Variants in TENM3 observed in about 807,000 individuals in gnomAD.
TENM3 encodes the protein teneurin transmembrane protein 3.
Under a neutral mutation model 255.1 loss-of-function variants are expected in TENM3, and 63 were observed. The observed-to-expected ratio is 0.25, with a 90% CI of 0.20 to 0.30. TENM3 has a LOEUF of 0.30. TENM3 is among the 10% of genes least tolerant of loss of function. TENM3 has a pLI of 1.00. For synonymous variants in TENM3, 1,306 were observed against 1,322.3 expected (o/e 0.99, Z 0.27); for missense variants, 2,929 against 3,461.1 (o/e 0.85, Z 3.86).
chr4:181,474,623 T>C, the TENM3 span, among the ~76,000 whole-genome samples: 6 of 151,774 alleles, frequency 4.0e-5, no homozygotes, highest in Non-Finnish European at 5.9e-5. Flanking sequence ...TAATCCTTGC[T>C]ACTTGGGAGG....
chr4:182,164,722 G>C (rs541662671), intron 1 of TENM3, among the ~76,000 whole-genome samples: 1 of 152,246 alleles, frequency 6.6e-6, no homozygotes, highest in South Asian at 2.1e-4. Context: ...CTGGTTGCGT[G>C]ACATAGCACC....
the TENM3 span, among the ~76,000 whole-genome samples, chr4:182,075,227 C>T: frequency 3.3e-5 from 4 of 121,550 alleles, no homozygotes; most frequent in South Asian, 1.0e-3. Flanking sequence ...GAGATGGAGT[C>T]TCGCTCTGCC....
intron 3 of TENM3, among the ~76,000 whole-genome samples, chr4:182,508,046 A>G (rs896340482): frequency 2.6e-5 from 4 of 152,166 alleles, no homozygotes; most frequent in Admixed American, 6.5e-5. Flanking sequence ...TAGTTCTGTC[A>G]CTAACTAACT....
chr4:182,499,809 T>C (rs549290730), intron 3 of TENM3, among the ~76,000 whole-genome samples: 89 of 152,334 alleles, frequency 5.8e-4, no homozygotes, highest in African/African-American at 1.8e-3. Flanking sequence ...GATTCCCAGC[T>C]ACTAAAATCT....
chr4:181,761,726 A>G, the TENM3 span, among the ~76,000 whole-genome samples: 1 of 152,144 alleles, frequency 6.6e-6, no homozygotes, highest in Non-Finnish European at 1.5e-5. Context: ...ACTGCTTCCT[A>G]TCGAGTATTC....
At position 182,212,520 on chromosome 4, in the gene TENM3, TA is replaced by T. The variant is rs5864772; in HGVS notation, c.-76+67779del. On this transcript the variant is annotated intron_variant, in intron 1 of 2. Transcript: ENST00000512480. ...GGAGGCTGTCTTTATCTCAGCTACT[TA>T]AAAAAAAAAAAATTTATGTCAAGTG... Among the ~76,000 whole-genome samples the T allele has an allele frequency of 8.2e-3, 1,220 of 149,394 alleles. 10 individuals carry two copies. Among genetic ancestry groups the T allele is most frequent in the African/African-American group, 0.026 (1,048 of 40,760 alleles).
chr4:182,073,229 TA>T, the TENM3 span, among the ~76,000 whole-genome samples: 1 of 152,104 alleles, frequency 6.6e-6, no homozygotes, highest in African/African-American at 2.4e-5. Flanking sequence ...GCCAGGTGCT[TA>T]AACCATCAGA....
the TENM3 span, among the ~76,000 whole-genome samples, chr4:181,750,766 G>C: frequency 6.6e-6 from 1 of 152,110 alleles, no homozygotes; most frequent in African/African-American, 2.4e-5. Flanking sequence ...CCCACATGTT[G>C]GGTAGTTCTT....
chr4:182,535,751 A>C (rs1003354834), intron 3 of TENM3, among the ~76,000 whole-genome samples: 1 of 151,990 alleles, frequency 6.6e-6, no homozygotes, highest in East Asian at 1.9e-4. Context: ...AAAAAAAAAA[A>C]AACACAGAAT....
At chr4:181,701,223 C>T in the TENM3 span, among the ~76,000 whole-genome samples, 2 of 152,166 alleles carry the variant, frequency 1.3e-5, no homozygotes, top group Admixed American at 6.5e-5. Context: ...ACAAAGTAAT[C>T]GGTGTGTGTC....
At chr4:182,551,084 TG>T (rs776950711) in intron 3 of TENM3, among the ~76,000 whole-genome samples, 9 of 152,076 alleles carry the variant, frequency 5.9e-5, no homozygotes, top group Non-Finnish European at 1.2e-4. Flanking sequence ...TAGCTGGGCA[TG>T]GTGGTGCCTG....
intron 13 of TENM3, among the ~76,000 whole-genome samples, chr4:182,715,247 C>T (rs1759064833): frequency 6.6e-6 from 1 of 152,198 alleles, no homozygotes; most frequent in South Asian, 2.1e-4. Flanking sequence ...CCTATCCGGG[C>T]CTCTGTGGAC....
At chr4:182,298,344 G>A (rs1307166041) in intron 1 of TENM3, among the ~76,000 whole-genome samples, 1 of 152,140 alleles carries the variant, frequency 6.6e-6, no homozygotes, top group Non-Finnish European at 1.5e-5. Context: ...CGCCTCAGAA[G>A]GGCCTGTGAT....
At chr4:182,550,645 G>T (rs1455428184) in intron 3 of TENM3, among the ~76,000 whole-genome samples, 1 of 152,112 alleles carries the variant, frequency 6.6e-6, no homozygotes, top group African/African-American at 2.4e-5. Context: ...AGTTATTAAT[G>T]CTTCTAACAC....
chr4:182,143,465 T>C (rs1250404631), upstream of TENM3: 1 of 166,906 alleles, frequency 6.0e-6, no homozygotes, highest in African/African-American at 2.4e-5. The surrounding 1 kb of genome is among the most constrained non-coding windows in gnomAD (Gnocchi z 4.3). Flanking sequence ...AATTACACCC[T>C]TCTGCCTCGG....
At chr4:182,767,012 G>A (rs1390133839) in intron 22 of TENM3, among the ~76,000 whole-genome samples, 1 of 152,034 alleles carries the variant, frequency 6.6e-6, no homozygotes, top group Non-Finnish European at 1.5e-5. Flanking sequence ...TTGATAATAG[G>A]TAGGTAGCAG....
At chr4:182,096,479 A>G in the TENM3 span, among the ~76,000 whole-genome samples, 2 of 151,820 alleles carry the variant, frequency 1.3e-5, no homozygotes, top group African/African-American at 4.9e-5. Context: ...CAACTAATAA[A>G]TGAAAAAGAA....
At chr4:182,677,829 C>T (rs1418097209) in intron 7 of TENM3, among the ~76,000 whole-genome samples, 2 of 152,040 alleles carry the variant, frequency 1.3e-5, no homozygotes, top group Non-Finnish European at 2.9e-5. Flanking sequence ...TAAGTTCTCT[C>T]CAATATTAAC....
the TENM3 span, among the ~76,000 whole-genome samples, chr4:182,039,941 G>T: frequency 7.1e-6 from 1 of 140,064 alleles, no homozygotes; most frequent in South Asian, 2.5e-4. Context: ...GGAAGGGGAG[G>T]GAAGGGGAGA....
Sources: allele counts gnomAD v4.1 joint callset (sites outside exome capture counted in the v4.1 genomes callset), GRCh38; gene constraint gnomAD v4.1.1; non-coding constraint Gnocchi (gnomAD v3.1); transcripts MANE v1.5; gene names NCBI Gene and HGNC (gene_info 2026-07-23, HGNC 2026-07-21).